DPP6: variants seen among roughly 807,000 people sequenced by gnomAD.
DPP6 encodes A-type potassium channel modulatory protein DPP6.
A neutral mutation model predicts 122.6 loss-of-function variants in DPP6; 69 were observed. The ratio of observed to expected loss-of-function variants is 0.56; its 90% CI spans 0.46 to 0.69. The LOEUF (loss-of-function observed/expected upper bound fraction) is 0.69, where lower values mean the gene tolerates loss of function less well. DPP6 is among the 30% of genes least tolerant of loss of function. The probability of loss-of-function intolerance (pLI) is 0.00; values close to 1 mark genes in which losing one functional copy is unlikely to be tolerated. For synonymous variants in DPP6, 418 were observed against 433.1 expected (o/e 0.97, Z 0.43); for missense variants, 928 against 1,116.9 (o/e 0.83, Z 2.41).
At chr7:154,308,439 ATGC>A (rs1806567304) in intron 1 of DPP6, among the ~76,000 whole-genome samples, 3 of 152,154 alleles carry the variant, frequency 2.0e-5, no homozygotes, top group African/African-American at 7.2e-5. Flanking sequence ...CTCTTTGGAG[ATGC>A]TAAAGTTTAT....
chr7:154,662,240 G>C (rs186921519), intron 6 of DPP6, among the ~76,000 whole-genome samples: 1 of 151,512 alleles, frequency 6.6e-6, no homozygotes, highest in East Asian at 2.0e-4. Flanking sequence ...AATCACCATG[G>C]CGTATTAGCC....
rs1171456436 is a variant in DPP6, at chr7:154,630,996, T to C, written c.628-6825T>C. On this transcript the variant is annotated intron_variant, in intron 5 of 25. Coordinates refer to ENST00000377770, the MANE Select transcript of DPP6 (RefSeq NM_130797.4). ...ATTTCACCTAAAAAAAAGAATGTATTTCATTTTCAAAATATTGAATTTGGG... is the reference window on the plus strand; with the variant it reads ...ATTTCACCTAAAAAAAAGAATGTATCTCATTTTCAAAATATTGAATTTGGG... Among the ~76,000 whole-genome samples, 3 of 152,242 alleles carry C rather than the reference T, an allele frequency of 2.0e-5. No individual in the cohort carries two copies. In the East Asian group the frequency reaches 5.8e-4, roughly 29 times the overall value.
chr7:154,060,757 T>C (rs1247995685), intron 1 of DPP6, among the ~76,000 whole-genome samples: 821 of 69,162 alleles, frequency 0.012, 48 homozygotes, highest in African/African-American at 0.04. Context: ...TGAGAGCCAG[T>C]CCCTCTTCCC....
At chr7:154,733,453 C>T (rs1842432791) in intron 8 of DPP6, among the ~76,000 whole-genome samples, 2 of 152,216 alleles carry the variant, frequency 1.3e-5, no homozygotes, top group South Asian at 4.1e-4. Flanking sequence ...CTGCTTTGCA[C>T]TTCTTTATAG....
At chr7:154,030,013 T>C (rs1346519520) in intron 1 of DPP6, among the ~76,000 whole-genome samples, 2 of 152,046 alleles carry the variant, frequency 1.3e-5, no homozygotes, top group Non-Finnish European at 2.9e-5. Flanking sequence ...CTGGGCAACA[T>C]GGCAAAACCC....
intron 1 of DPP6, among the ~76,000 whole-genome samples, chr7:154,328,081 A>G (rs1191647886): frequency 1.3e-5 from 2 of 152,212 alleles, no homozygotes; most frequent in Non-Finnish European, 2.9e-5. Context: ...CTGTGAGCTC[A>G]AGCAGGTCCT....
chr7:154,209,490 G>A (rs1263072576), intron 1 of DPP6, among the ~76,000 whole-genome samples: 1 of 150,190 alleles, frequency 6.7e-6, no homozygotes, highest in African/African-American at 2.4e-5. Flanking sequence ...TTAAAATCCA[G>A]TAACTCTAGA....
chr7:154,304,925 C>T (rs1380929176), intron 1 of DPP6, among the ~76,000 whole-genome samples: 1 of 152,164 alleles, frequency 6.6e-6, no homozygotes, highest in Non-Finnish European at 1.5e-5. Flanking sequence ...GTTCAGACAC[C>T]CGGGCGCGGC....
At chr7:154,289,128 G>C (rs1054217287) in intron 1 of DPP6, among the ~76,000 whole-genome samples, 30 of 152,192 alleles carry the variant, frequency 2.0e-4, no homozygotes, top group Admixed American at 9.2e-4. Flanking sequence ...AATACCATGA[G>C]AGAAGGGGGA....
intron 4 of DPP6, among the ~76,000 whole-genome samples, chr7:154,550,382 G>T (rs1276144696): frequency 1.3e-5 from 2 of 152,038 alleles, no homozygotes; most frequent in African/African-American, 4.8e-5. Flanking sequence ...AAATCATTCT[G>T]GTTTTGGCTG....
chr7:153,787,113 G>A, the DPP6 span, among the ~76,000 whole-genome samples: 3 of 141,124 alleles, frequency 2.1e-5, 1 homozygote, highest in African/African-American at 5.2e-5. Flanking sequence ...GACCACGCCC[G>A]GCTAATTTTT....
the DPP6 span, among the ~76,000 whole-genome samples, chr7:153,819,049 C>CTT: frequency 4.4e-5 from 4 of 90,696 alleles, no homozygotes; most frequent in Non-Finnish European, 6.1e-5. Context: ...CGCGCCTGGC[C>CTT]TTTTTTTTTT....
At chr7:154,750,590 G>A (rs1843329745) in intron 8 of DPP6, among the ~76,000 whole-genome samples, 1 of 152,238 alleles carries the variant, frequency 6.6e-6, no homozygotes, top group Non-Finnish European at 1.5e-5. Context: ...CAGAGCTGAA[G>A]GGTGGCGGGG....
At chr7:154,670,699 A>G (rs1285021845) in intron 7 of DPP6, among the ~76,000 whole-genome samples, 1 of 152,176 alleles carries the variant, frequency 6.6e-6, no homozygotes, top group Non-Finnish European at 1.5e-5. Context: ...CCTTTTTCCT[A>G]AAATAGCACA....
intron 7 of DPP6, among the ~76,000 whole-genome samples, chr7:154,690,828 T>TA (rs1839892179): frequency 6.6e-6 from 1 of 152,074 alleles, no homozygotes; most frequent in Non-Finnish European, 1.5e-5. Context: ...CTCATGGTGG[T>TA]AAAAATGCCC....
In DPP6 at chr7:154,739,416, G is replaced by A. The variant is rs751616533; in HGVS notation, c.883+11529G>A. 3.3e-5 allele frequency among the ~76,000 whole-genome samples: 5 copies of A among 152,202 alleles called. No homozygotes were observed. In the South Asian group the frequency reaches 6.2e-4, roughly 19 times the overall value. ...CAGGCAGCCGTCCAGGGCAGCTGAG[G>A]GGACGCCAGGGGTCCATCTGGTTGG... On this transcript the variant is annotated intron_variant, in intron 8 of 25. Coordinates refer to ENST00000377770, the MANE Select transcript of DPP6 (RefSeq NM_130797.4).
intron 1 of DPP6, among the ~76,000 whole-genome samples, chr7:154,395,512 C>T (rs1414906479): frequency 6.6e-6 from 1 of 152,134 alleles, no homozygotes. Flanking sequence ...CTTTTTGATG[C>T]TGTTGTAAAT....
chr7:154,152,217 T>G (rs1405857717), intron 1 of DPP6, among the ~76,000 whole-genome samples: 1 of 151,996 alleles, frequency 6.6e-6, no homozygotes, highest in East Asian at 1.9e-4. Context: ...GCTTGCCACA[T>G]GGAAGAGAGC....
At chr7:154,362,388 A>G (rs758730315) in intron 1 of DPP6, among the ~76,000 whole-genome samples, 1 of 152,108 alleles carries the variant, frequency 6.6e-6, no homozygotes, top group Non-Finnish European at 1.5e-5. Context: ...CAAAGATACC[A>G]CTGCCTCCCT....
Sources: allele counts gnomAD v4.1 joint callset (sites outside exome capture counted in the v4.1 genomes callset), GRCh38; gene constraint gnomAD v4.1.1; transcripts MANE v1.5; gene names NCBI Gene and HGNC (gene_info 2026-07-23, HGNC 2026-07-21).